The following PERM1 variants were observed in gnomAD, a reference collection of about 807,000 sequenced individuals.
The protein encoded by PERM1 is PGC-1 and ERR-induced regulator in muscle protein 1.
Under a neutral mutation model 44.1 loss-of-function variants are expected in PERM1, and 45 were observed. That is an observed-to-expected ratio of 1.02 (90% confidence interval 0.80 to 1.31). The LOEUF is 1.31. PERM1 is among the 50% of genes most tolerant of loss of function. The pLI, the probability that PERM1 is intolerant of heterozygous loss-of-function variation, is 0.00. For missense variants in PERM1, 1,189 were observed against 1,106.9 expected (o/e 1.07, Z -1.05); for synonymous variants, 565 against 477.1 (o/e 1.18, Z -2.40).
rs535156159 is a variant in PERM1, at chr1:976,463, C to T, written c.2275+36G>A. The T allele has an allele frequency of 2.3e-4, 364 of 1,549,316 alleles. No individual in the cohort carries two copies. In the African/African-American group the frequency reaches 4.1e-3, roughly 17 times the overall value. The stretch of plus-strand genomic sequence containing the variant: ...CTGCCAGCGCCCCTCGGTCTGGCTT[C>T]TAGGCGCAGCTCCCTCTGCCCCCAG... On this transcript the variant is annotated intron_variant, in intron 2 of 2. Coordinates refer to ENST00000433179, the Ensembl canonical transcript of PERM1.
exon 3 of PERM1, chr1:975,927 A>T (rs999409300): frequency 2.9e-5 from 15 of 515,356 alleles, no homozygotes; most frequent in Non-Finnish European, 4.8e-5. Context: ...CCACCCTCCT[A>T]CCCAGCCACC....
At chr1:976,051 C>T (rs1643589305) in exon 3 of PERM1, 5 of 988,844 alleles carry the variant, frequency 5.1e-6, no homozygotes, top group Admixed American at 5.9e-5. Context: ...AGGACACGCC[C>T]CCCTCCTGGA....
rs2340595 is a variant in PERM1 at position 978,812 on chromosome 1, G to A, written c.2149+69C>T. The A allele has an allele frequency of 2.2e-5, 30 of 1,376,320 alleles. No homozygotes were observed. In the South Asian group the frequency reaches 4.8e-4, roughly 22 times the overall value. The allele number at this position is 1,376,320 out of a possible 1,614,324, so 85.3% of individuals were successfully genotyped here. A position where few individuals can be genotyped will look rare whatever the true frequency, so the allele number is the denominator to read the frequency against. Reference sequence around the variant, plus strand: ...GCCTGCCCGGCCCCTGCGGCCCCCTGCTTGGCCAAGATCCCTGGACAGTGT... The same window carrying A: ...GCCTGCCCGGCCCCTGCGGCCCCCTACTTGGCCAAGATCCCTGGACAGTGT... On this transcript the variant is annotated intron_variant, in intron 1 of 2. Transcript: ENST00000433179.
chr1:976,088 C>A, exon 3 of PERM1: 2 of 1,358,212 alleles, frequency 1.5e-6, no homozygotes, highest in Non-Finnish European at 2.0e-6. Flanking sequence ...GGTCAGAGGG[C>A]CCGGGCGAGG....
In PERM1 at chr1:980,047, A is replaced by G. The variant is rs1286407340; in HGVS notation, c.983T>C (p.Met328Thr). The G allele has an allele frequency of 1.9e-5, 29 of 1,548,974 alleles. No homozygotes were observed. In the East Asian group the frequency reaches 6.4e-4, roughly 34 times the overall value. ...CTCAGAGGCAGGTGTAGACACAGCC[A>G]TGTCCCTGTCAGATTGCGGCTCGGA... Residue 328 changes from methionine (M) to threonine (T), a missense_variant, in exon 1 of 3, where the codon ATG (methionine) becomes ACG (threonine). Physicochemically the swap from Met to Thr is moderately conservative, Grantham distance 81. Transcript: ENST00000433179.
rs560412481 is a variant in PERM1 at position 979,186 on chromosome 1, A to G, written c.1844T>C (p.Met615Thr). 6.5e-6 allele frequency: 10 copies of G among 1,549,966 alleles called. No individual in the cohort carries two copies. In the African/African-American group the frequency reaches 8.2e-5, roughly 13 times the overall value. The change falls in exon 1 of 3, where the codon ATG (methionine) becomes ACG (threonine). Residue 615 changes from methionine (M) to threonine (T), a missense_variant. By Grantham distance (81) the Met-to-Thr change is moderately conservative. Around this residue, in one of 3 missense-constraint regions of PERM1, gnomAD observed 900 missense variants for 760.4 expected, o/e 1.18. Coordinates refer to ENST00000433179, the Ensembl canonical transcript of PERM1. ...AACGTCTGGGAAGAAGAACTCGCAC[A>G]TGTCCGGCCACTGGACGCCTGCCGG...
chr1:979,764 C>T (rs1643737208), exon 1 of PERM1: 1 of 1,550,378 alleles, frequency 6.5e-7, no homozygotes, highest in Non-Finnish European at 8.7e-7. Context: ...CCACCTCTAG[C>T]TTAGCCACTG....
chr1:979,963 C>T, exon 1 of PERM1: 6 of 1,549,272 alleles, frequency 3.9e-6, no homozygotes, highest in Non-Finnish European at 5.2e-6. Flanking sequence ...AGCCATGTCC[C>T]TGTCAGGTTG....
upstream of PERM1, chr1:981,151 C>T (rs1275789128): frequency 5.2e-6 from 8 of 1,548,610 alleles, no homozygotes; most frequent in Admixed American, 3.9e-5. Flanking sequence ...GAGCTCCCAC[C>T]GCCTCGGGGC....
At chr1:979,210 GGATCCT>G (rs1643713366) in exon 1 of PERM1, 1 of 1,550,024 alleles carries the variant, frequency 6.5e-7, no homozygotes, top group Admixed American at 2.0e-5. Context: ...GACGCCTGCC[GGATCCT>G]GACCGGCCGC....
At chr1:978,441 C>A (rs1330894343) in intron 1 of PERM1, among the ~76,000 whole-genome samples, 1 of 152,216 alleles carries the variant, frequency 6.6e-6, no homozygotes, top group Admixed American at 6.5e-5. Context: ...CCCCGTGCTT[C>A]TTCTGCCTGA....
At chr1:979,291 A>C in exon 1 of PERM1, 1 of 1,547,648 alleles carries the variant, frequency 6.5e-7, no homozygotes, top group South Asian at 1.2e-5. Context: ...GGCCTCCGGG[A>C]GGGTCACGGC....
chr1:978,737 G>C (rs1643694083), intron 1 of PERM1, 144 bp downstream of exon 2: 1 of 733,286 alleles, frequency 1.4e-6, no homozygotes, highest in Non-Finnish European at 2.1e-6. Context: ...GTGCTGGGAT[G>C]ACTGGGGGCT....
At chr1:978,889 C>T (rs1427867985) in exon 1 of PERM1, 1 of 1,490,902 alleles carries the variant, frequency 6.7e-7, no homozygotes, top group East Asian at 2.5e-5. Context: ...ACCTGCCCGT[C>T]TAAGAGCCAG....
At chr1:976,376 G>A (rs1192982379) in intron 2 of PERM1, 107 bp from the exon 4 acceptor site, 20 of 1,493,486 alleles carry the variant, frequency 1.3e-5, no homozygotes, top group Non-Finnish European at 1.8e-5. Flanking sequence ...GGCCAGGGCC[G>A]CAGCTCAGCC....
chr1:979,414 C>G, exon 1 of PERM1: 8 of 1,523,876 alleles, frequency 5.2e-6, no homozygotes, highest in Non-Finnish European at 7.0e-6. Context: ...CTCCCAGGCT[C>G]CGGGCCCCCC....
At chr1:979,217 G>T in exon 1 of PERM1, 1 of 1,550,120 alleles carries the variant, frequency 6.5e-7, no homozygotes, top group Non-Finnish European at 8.7e-7. Flanking sequence ...GCCGGATCCT[G>T]ACCGGCCGCT....
Position 979,531 on chromosome 1 carries a change from C to T in PERM1, c.1499G>A (p.Arg500Lys), listed in dbSNP as rs1643727623. The T allele has an allele frequency of 2.6e-6, 4 of 1,550,006 alleles. No individual in the cohort carries two copies. In the East Asian group the frequency reaches 7.3e-5, roughly 28 times the overall value. The change falls in exon 1 of 3, where the codon AGG becomes AAG. Residue 500 changes from arginine to lysine, a missense_variant. Physicochemically the swap from Arg to Lys is conservative, Grantham distance 26. Coordinates refer to ENST00000433179, the Ensembl canonical transcript of PERM1. The stretch of plus-strand genomic sequence containing the variant: ...CACGGAGAAGCGCACTTTCTTCTTC[C>T]TGGGGACTTGGGTGAGACCCAGTGC...
At position 976,644 on chromosome 1, in the gene PERM1, T is replaced by A; in HGVS notation, c.2150-20A>T. On this transcript the variant is annotated intron_variant, in intron 1 of 2. Transcript: ENST00000433179. ...GCTCCCCTAGGACAGAAGCTCACCTTCAGCCCCACGGCTGCACTCAGAGAT... is the reference window on the plus strand; with the variant it reads ...GCTCCCCTAGGACAGAAGCTCACCTACAGCCCCACGGCTGCACTCAGAGAT... 1 of 1,548,216 alleles carries A rather than the reference T, an allele frequency of 6.5e-7. No individual in the cohort carries two copies.
Sources: gnomAD v4.1 joint callset for allele counts (sites outside exome capture counted in the v4.1 genomes callset) on GRCh38, gnomAD v4.1.1 for gene constraint, gnomAD v4.1.1 regional missense constraint, MANE v1.5 for transcripts, NCBI Gene and HGNC (gene_info 2026-07-23, HGNC 2026-07-21) for gene names.